SLC4A10: variants seen among roughly 807,000 people sequenced by gnomAD.
SLC4A10 encodes sodium-driven chloride bicarbonate exchanger.
SLC4A10 carries 42 observed loss-of-function variants against 137.7 expected under a neutral mutation model. The ratio of observed to expected loss-of-function variants is 0.30; its 90% CI spans 0.24 to 0.39. The LOEUF (loss-of-function observed/expected upper bound fraction) is 0.39. SLC4A10 is among the 10% of genes least tolerant of loss of function. The pLI is 1.00. For missense variants in SLC4A10, 925 were observed against 1,355.0 expected (o/e 0.68, Z 4.98); for synonymous variants, 474 against 464.1 (o/e 1.02, Z -0.27).
chr2:161,855,094 C>T lies in SLC4A10; in HGVS notation c.541C>T (p.Leu181=), dbSNP rs1390930763. The T allele has an allele frequency of 6.2e-7, 1 of 1,611,372 alleles. No individual in the cohort carries two copies. Among genetic ancestry groups the T allele is most frequent in the South Asian group, 1.1e-5 (1 of 90,638 alleles). The change falls in exon 5 of 27, where the codon CTG becomes TTG. Residue 181 remains leucine (L), a synonymous_variant. Transcript: ENST00000446997. Reference sequence around the variant, plus strand: ...TTGTATTCTGAATGGAACTGTGTTGCTGGACATGCATGCCAACACTTTAGA... The same window carrying T: ...TTGTATTCTGAATGGAACTGTGTTGTTGGACATGCATGCCAACACTTTAGA... ...RSCILNGTVL[L]DMHANTLEEI... is the part of the protein sequence containing the mutation.
chr2:161,637,855 A>C (rs1028989140), intron 1 of SLC4A10, among the ~76,000 whole-genome samples: 1 of 152,228 alleles, frequency 6.6e-6, no homozygotes, highest in African/African-American at 2.4e-5. Context: ...CCTGATTGTT[A>C]GTGATGTTGA....
At chr2:161,885,687 T>A (rs980727966) in intron 10 of SLC4A10, among the ~76,000 whole-genome samples, 2 of 152,224 alleles carry the variant, frequency 1.3e-5, no homozygotes, top group Non-Finnish European at 2.9e-5. Flanking sequence ...GTTGATCCCT[T>A]CACATTCTCA....
At chr2:161,872,681 G>A (rs1237176905) in intron 7 of SLC4A10, among the ~76,000 whole-genome samples, 1 of 151,898 alleles carries the variant, frequency 6.6e-6, no homozygotes. Flanking sequence ...TTTAACAGAA[G>A]TTTAATCTAT....
chr2:161,977,440 T>C, intron 25 of SLC4A10: 1 of 488,858 alleles, frequency 2.0e-6, no homozygotes, highest in South Asian at 1.9e-5. Context: ...ATGGTAGTTT[T>C]AAGTGCATGC....
chr2:161,891,116 A>G (rs963358575), intron 10 of SLC4A10, among the ~76,000 whole-genome samples: 6 of 152,146 alleles, frequency 3.9e-5, no homozygotes, highest in African/African-American at 1.4e-4. Flanking sequence ...AATGTTGAAT[A>G]TTGGCCCCCA....
intron 4 of SLC4A10, among the ~76,000 whole-genome samples, chr2:161,848,580 G>A (rs184975097): frequency 5.0e-4 from 76 of 152,242 alleles, no homozygotes; most frequent in African/African-American, 1.5e-3. Flanking sequence ...TAGGGGTCCC[G>A]TTTCAATCTT....
chr2:161,977,891 C>G (rs1408644726), intron 26 of SLC4A10, 131 bp downstream of exon 26: 2 of 687,836 alleles, frequency 2.9e-6, no homozygotes, highest in East Asian at 6.0e-5. Flanking sequence ...GAGTGTTGGG[C>G]TCAGATCCAG....
intron 15 of SLC4A10, among the ~76,000 whole-genome samples, chr2:161,933,309 T>C (rs553905514): frequency 3.0e-4 from 46 of 151,018 alleles, no homozygotes; most frequent in African/African-American, 8.7e-4. Flanking sequence ...TTCTTTTTTC[T>C]TTATTTCTCT....
At chr2:161,700,333 T>C (rs1451840868) in intron 1 of SLC4A10, among the ~76,000 whole-genome samples, 1 of 152,164 alleles carries the variant, frequency 6.6e-6, no homozygotes, top group Non-Finnish European at 1.5e-5. Context: ...GTCATTCATA[T>C]AGCCATCGCA....
chr2:161,696,844 T>C (rs963100178), intron 1 of SLC4A10, among the ~76,000 whole-genome samples: 28 of 152,188 alleles, frequency 1.8e-4, no homozygotes, highest in African/African-American at 6.0e-4. Flanking sequence ...CTGGATCAAA[T>C]GGTATTTCTA....
intron 26 of SLC4A10, among the ~76,000 whole-genome samples, chr2:161,982,158 A>G (rs2106029115): frequency 6.6e-6 from 1 of 152,266 alleles, no homozygotes; most frequent in Non-Finnish European, 1.5e-5. Flanking sequence ...GGCCGAAGTT[A>G]ACAGTAAAAA....
chr2:161,654,645 G>A (rs368060719), intron 1 of SLC4A10, among the ~76,000 whole-genome samples: 3 of 152,098 alleles, frequency 2.0e-5, no homozygotes, highest in Admixed American at 2.0e-4. Context: ...TTCTTTCCCT[G>A]TGTGTATTCT....
rs1401514637 is a variant in SLC4A10, at chr2:161,739,412, TAGG to T, written c.49-31555_49-31553del. On this transcript the variant is annotated intron_variant, in intron 1 of 26. Transcript: ENST00000446997. ...TCACTTCTCTATCAAACTACTACTCTAGGAGGAGATTTTCTTGCCTACTATGGG... is the reference window on the plus strand; with the variant it reads ...TCACTTCTCTATCAAACTACTACTCTAGGAGATTTTCTTGCCTACTATGGG... Among the ~76,000 whole-genome samples, 10 of 152,284 alleles carry T rather than the reference TAGG, an allele frequency of 6.6e-5. No individual in the cohort carries two copies. In the East Asian group the frequency reaches 1.9e-3, roughly 29 times the overall value.
intron 1 of SLC4A10, among the ~76,000 whole-genome samples, chr2:161,663,733 G>A (rs1443775072): frequency 6.6e-6 from 1 of 151,956 alleles, no homozygotes. Context: ...TACAAACTTG[G>A]AGTAGCAATA....
At chr2:161,720,208 T>C (rs1401072903) in intron 1 of SLC4A10, among the ~76,000 whole-genome samples, 1 of 152,202 alleles carries the variant, frequency 6.6e-6, no homozygotes, top group Non-Finnish European at 1.5e-5. Context: ...TAGTTGTAGA[T>C]ATGCAGTGTT....
At chr2:161,638,602 T>G (rs2034806730) in intron 1 of SLC4A10, among the ~76,000 whole-genome samples, 2 of 152,096 alleles carry the variant, frequency 1.3e-5, no homozygotes, top group Admixed American at 1.3e-4. Context: ...TCTTTGTCTA[T>G]TTAGGGTCTT....
At chr2:161,710,600 T>C (rs1410709770) in intron 1 of SLC4A10, 8 of 412,868 alleles carry the variant, frequency 1.9e-5, no homozygotes, top group Non-Finnish European at 3.4e-5. Flanking sequence ...AATGTCAATC[T>C]TTCTTCTTGC....
At chr2:161,972,265 C>T (rs1178560714) in intron 23 of SLC4A10, among the ~76,000 whole-genome samples, 3 of 152,090 alleles carry the variant, frequency 2.0e-5, no homozygotes, top group African/African-American at 7.2e-5. Flanking sequence ...TATGAACCTC[C>T]ATGTACCTTA....
At chr2:161,877,300 TA>T (rs1235915384) in intron 8 of SLC4A10, among the ~76,000 whole-genome samples, 5 of 152,054 alleles carry the variant, frequency 3.3e-5, no homozygotes, top group African/African-American at 1.2e-4. Context: ...TTATGGATTT[TA>T]AAAAAAGATG....
Sources: gnomAD v4.1 joint callset for allele counts (sites outside exome capture counted in the v4.1 genomes callset) on GRCh38, gnomAD v4.1.1 for gene constraint, MANE v1.5 for transcripts, NCBI Gene and HGNC (gene_info 2026-07-23, HGNC 2026-07-21) for gene names.